Variants in DPP6 observed in about 807,000 individuals in gnomAD.
The protein encoded by DPP6 is A-type potassium channel modulatory protein DPP6.
Under a neutral mutation model 122.6 loss-of-function variants are expected in DPP6, and 69 were observed. The ratio of observed to expected loss-of-function variants is 0.56; its 90% CI spans 0.46 to 0.69. The LOEUF (loss-of-function observed/expected upper bound fraction) is 0.69, where lower values mean the gene tolerates loss of function less well. DPP6 is among the 30% of genes least tolerant of loss of function. The pLI is 0.00. For synonymous variants in DPP6, 418 were observed against 433.1 expected (o/e 0.97, Z 0.43); for missense variants, 928 against 1,116.9 (o/e 0.83, Z 2.41).
chr7:154,060,222 C>G (rs1801518665), intron 1 of DPP6, among the ~76,000 whole-genome samples: 1 of 145,732 alleles, frequency 6.9e-6, no homozygotes, highest in Non-Finnish European at 1.5e-5. Context: ...CTCTTCCCCC[C>G]TTTGCTCTTA....
intron 1 of DPP6, among the ~76,000 whole-genome samples, chr7:153,981,336 A>G (rs1197808518): frequency 1.3e-5 from 2 of 152,138 alleles, no homozygotes; most frequent in Non-Finnish European, 2.9e-5. Flanking sequence ...TTATTGGTTT[A>G]AAGTCTGTTT....
At chr7:154,795,542 C>T (rs756622227) in intron 11 of DPP6, among the ~76,000 whole-genome samples, 6 of 152,160 alleles carry the variant, frequency 3.9e-5, no homozygotes, top group Non-Finnish European at 7.3e-5. Context: ...CCCCCTGGTA[C>T]ACGTGCCATC....
rs1391999415 is a variant in DPP6 at position 154,446,262 on chromosome 7, A to G, written c.292A>G (p.Ile98Val). The change falls in exon 2 of 26, where the codon ATT becomes GTT. Residue 98 changes from isoleucine (I) to valine (V), a missense_variant. Transcript: ENST00000377770. ...PPQRNWKGIA[I>V]ALLVILVICS... ...GCAGAGGAATTGGAAAGGAATAGCA[A>G]TTGCACTGCTTGTCATTCTGGTCAT... is the stretch of plus-strand genomic sequence containing the variant. 1.2e-6 allele frequency: 2 copies of G among 1,611,704 alleles called. No homozygotes were observed. Among genetic ancestry groups the G allele is most frequent in the East Asian group, 2.2e-5 (1 of 44,734 alleles).
chr7:154,856,682 A>G (rs1269444733), intron 17 of DPP6, among the ~76,000 whole-genome samples: 1 of 152,206 alleles, frequency 6.6e-6, no homozygotes, highest in Non-Finnish European at 1.5e-5. Context: ...CAATCCAATC[A>G]ATATTGACAG....
intron 1 of DPP6, among the ~76,000 whole-genome samples, chr7:154,325,529 C>T (rs1432416062): frequency 6.6e-6 from 1 of 152,122 alleles, no homozygotes; most frequent in Non-Finnish European, 1.5e-5. Flanking sequence ...TACACGTTAC[C>T]CTCAGAACCA....
At chr7:154,303,818 G>A (rs1337892743) in intron 1 of DPP6, among the ~76,000 whole-genome samples, 1 of 152,212 alleles carries the variant, frequency 6.6e-6, no homozygotes, top group East Asian at 1.9e-4. Flanking sequence ...CCATGGTAGA[G>A]GTGACCAGCC....
intron 1 of DPP6, among the ~76,000 whole-genome samples, chr7:154,383,719 G>C (rs1032611576): frequency 2.6e-5 from 4 of 151,768 alleles, no homozygotes; most frequent in Non-Finnish European, 4.4e-5. Flanking sequence ...GTGAAACCCA[G>C]TCTCTACAAA....
At chr7:153,767,098 C>G in the DPP6 span, among the ~76,000 whole-genome samples, 79 of 136,648 alleles carry the variant, frequency 5.8e-4, no homozygotes, top group Admixed American at 1.0e-3. Flanking sequence ...CATTTACTAG[C>G]TAGAAAAGAA....
At chr7:154,416,147 T>C (rs1044301405) in intron 1 of DPP6, among the ~76,000 whole-genome samples, 3 of 152,198 alleles carry the variant, frequency 2.0e-5, no homozygotes, top group Non-Finnish European at 4.4e-5. Flanking sequence ...TGCTCCATCC[T>C]GCTCCGTCCT....
chr7:153,785,342 T>C, the DPP6 span, among the ~76,000 whole-genome samples: 2 of 152,284 alleles, frequency 1.3e-5, no homozygotes, highest in South Asian at 2.1e-4. Flanking sequence ...GTTTGTGTTG[T>C]TCACTGATAC....
At chr7:154,061,790 CCT>C (rs1801968424) in intron 1 of DPP6, among the ~76,000 whole-genome samples, 1 of 138,968 alleles carries the variant, frequency 7.2e-6, no homozygotes, top group Non-Finnish European at 1.6e-5. Context: ...GGGAGGCACC[CCT>C]CGCGACGCGG....
At chr7:154,637,765 T>C in intron 5 of DPP6, 56 bp from the exon 6 acceptor site, 1 of 1,512,426 alleles carries the variant, frequency 6.6e-7, no homozygotes, top group East Asian at 2.5e-5. Context: ...TTGAAAAATA[T>C]CATCGTAACA....
At chr7:153,960,291 C>T (rs1210932101) in intron 1 of DPP6, among the ~76,000 whole-genome samples, 4 of 152,082 alleles carry the variant, frequency 2.6e-5, no homozygotes, top group Admixed American at 6.6e-5. Flanking sequence ...CACAGTAGAA[C>T]TTCTTTAAAA....
intron 5 of DPP6, among the ~76,000 whole-genome samples, chr7:154,577,795 C>A (rs1474140798): frequency 6.6e-6 from 1 of 152,200 alleles, no homozygotes; most frequent in Non-Finnish European, 1.5e-5. Context: ...CGTAGCTGGC[C>A]ATTATCGTAG....
At chr7:153,946,344 CG>C (rs1343927806) in intron 1 of DPP6, among the ~76,000 whole-genome samples, 2 of 152,022 alleles carry the variant, frequency 1.3e-5, no homozygotes, top group East Asian at 3.9e-4. Flanking sequence ...AGAGATTTCA[CG>C]GAACTGAGAG....
intron 2 of DPP6, among the ~76,000 whole-genome samples, chr7:154,458,475 A>G (rs900162076): frequency 6.6e-6 from 1 of 152,130 alleles, no homozygotes; most frequent in South Asian, 2.1e-4. Flanking sequence ...CAGTATGAAA[A>G]TGGACTAATA....
At chr7:153,890,597 A>C (rs1376882915) in intron 1 of DPP6, among the ~76,000 whole-genome samples, 1 of 152,106 alleles carries the variant, frequency 6.6e-6, no homozygotes, top group Non-Finnish European at 1.5e-5. Flanking sequence ...GGATTAAGAG[A>C]AGGCAGATGC....
chr7:154,229,477 T>C (rs2150846973), intron 1 of DPP6, among the ~76,000 whole-genome samples: 1 of 152,314 alleles, frequency 6.6e-6, no homozygotes, highest in South Asian at 2.1e-4. Context: ...AGCTATAGTG[T>C]TGGCTTTTGT....
At chr7:154,114,157 CAA>C (rs1373250142) in intron 1 of DPP6, among the ~76,000 whole-genome samples, 2 of 151,642 alleles carry the variant, frequency 1.3e-5, no homozygotes, top group African/African-American at 4.8e-5. Flanking sequence ...TGGCCAGTAA[CAA>C]GATGCTCCTA....
Sources: allele counts gnomAD v4.1 joint callset (sites outside exome capture counted in the v4.1 genomes callset), GRCh38; gene constraint gnomAD v4.1.1; transcripts MANE v1.5; gene names NCBI Gene and HGNC (gene_info 2026-07-23, HGNC 2026-07-21).